PFKFB3: variants seen among roughly 807,000 people sequenced by gnomAD.
PFKFB3 encodes the protein 6-phosphofructo-2-kinase/fructose-2,6-bisphosphatase 3.
PFKFB3 carries 33 observed loss-of-function variants against 68.0 expected under a neutral mutation model. The ratio of observed to expected loss-of-function variants is 0.49; its 90% CI spans 0.37 to 0.65. The LOEUF is 0.65. PFKFB3 is among the 30% of genes least tolerant of loss of function. The pLI, the probability that PFKFB3 is intolerant of heterozygous loss-of-function variation, is 0.00. For synonymous variants in PFKFB3, 315 were observed against 288.2 expected (o/e 1.09, Z -0.94); for missense variants, 586 against 712.2 (o/e 0.82, Z 2.02).
chr10:6,162,857 T>G (rs1471440396), intron 1 of PFKFB3, among the ~76,000 whole-genome samples: 1 of 152,184 alleles, frequency 6.6e-6, no homozygotes, highest in Non-Finnish European at 1.5e-5. Flanking sequence ...GTACTTTCAG[T>G]GGAGGATGGT....
rs980098589 is a variant in PFKFB3 at position 6,154,539 on chromosome 10, C to A, written c.16+9526C>A. Among the ~76,000 whole-genome samples, 1 of 152,270 alleles carries A rather than the reference C, an allele frequency of 6.6e-6. No homozygotes were observed. The highest frequency in any genetic ancestry group is 1.9e-4 in the East Asian group (1 of 5,168). ...CTGGGATCATAGGCGCGAGCCACCG[C>A]GCCTGGTGGGCTGAATTAACGTGAC... On this transcript the variant is annotated intron_variant, in intron 1 of 14. Coordinates refer to the PFKFB3 transcript ENST00000379789. This position sits in a 1 kb window ranked among gnomAD's most constrained non-coding sequence, Gnocchi z 4.6.
intron 1 of PFKFB3, among the ~76,000 whole-genome samples, chr10:6,165,304 C>T (rs1842098350): frequency 6.6e-6 from 1 of 152,240 alleles, no homozygotes; most frequent in Non-Finnish European, 1.5e-5. Context: ...CAATACAGCA[C>T]ATGTTTCTGT....
intron 14 of PFKFB3, 139 bp downstream of exon 14, chr10:6,226,504 CTG>C (rs1162048005): frequency 4.0e-6 from 3 of 742,116 alleles, no homozygotes; most frequent in South Asian, 1.8e-5. Flanking sequence ...TTGTAGGTGT[CTG>C]TGCACGTGTG....
At chr10:6,168,086 G>A (rs1842195019) in intron 1 of PFKFB3, among the ~76,000 whole-genome samples, 1 of 152,172 alleles carries the variant, frequency 6.6e-6, no homozygotes, top group Non-Finnish European at 1.5e-5. Flanking sequence ...ACCATTTAGG[G>A]ACAGGTTAAA....
chr10:6,271,271 A>G, the PFKFB3 span, among the ~76,000 whole-genome samples: 4 of 152,242 alleles, frequency 2.6e-5, no homozygotes, highest in Non-Finnish European at 5.9e-5. Flanking sequence ...TGCTAAGGTA[A>G]GGACGAGAAC....
intron 1 of PFKFB3, among the ~76,000 whole-genome samples, chr10:6,206,838 C>CTGGGCAGCCAGGCAGAG (rs1564619744): frequency 6.2e-5 from 1 of 16,098 alleles, no homozygotes; most frequent in Non-Finnish European, 1.4e-4. Flanking sequence ...ACTTCCCAGA[C>CTGGGCAGCCAGGCAGAG]GGGGTGGCGG....
At chr10:6,265,900 G>A in the PFKFB3 span, among the ~76,000 whole-genome samples, 3 of 147,566 alleles carry the variant, frequency 2.0e-5, no homozygotes, top group Non-Finnish European at 4.5e-5. Flanking sequence ...TTTTTTTTTT[G>A]TTTTTCTATT....
the PFKFB3 span, among the ~76,000 whole-genome samples, chr10:6,300,392 G>A: frequency 6.6e-6 from 1 of 152,178 alleles, no homozygotes; most frequent in Non-Finnish European, 1.5e-5. Context: ...AATAGGAATA[G>A]GTAGTAGATT....
chr10:6,202,872 G>T (rs1233311893), upstream of PFKFB3: 11 of 1,051,426 alleles, frequency 1.0e-5, no homozygotes, highest in Non-Finnish European at 1.3e-5. Context: ...CCCCGAGGCT[G>T]ACGTACGCGT....
chr10:6,246,999 C>G (rs111672542), intron 14 of PFKFB3, among the ~76,000 whole-genome samples: 10 of 152,228 alleles, frequency 6.6e-5, no homozygotes, highest in Non-Finnish European at 1.2e-4. Flanking sequence ...TGCCCAGACC[C>G]GGACATGCAA....
chr10:6,256,387 G>GA (rs1236041319), downstream of PFKFB3, among the ~76,000 whole-genome samples: 3 of 152,104 alleles, frequency 2.0e-5, no homozygotes, highest in African/African-American at 7.2e-5. Flanking sequence ...CATGGAAAAA[G>GA]AAAAAAGGAT....
In PFKFB3 at chr10:6,228,219, G is replaced by A. The variant is rs1845486199; in HGVS notation, c.1515+1854G>A. 1 of 1,612,610 alleles carries A rather than the reference G, an allele frequency of 6.2e-7. No individual in the cohort carries two copies. On this transcript the variant is annotated intron_variant, in intron 14 of 14. Transcript: ENST00000379775. This position sits in a 1 kb window ranked among gnomAD's most constrained non-coding sequence, Gnocchi z 4.5. ...AGCCTTTGCTAGGGCAAGCCTGTCT[G>A]TAAGTATCTCTCCGATCATCGCTGC...
the PFKFB3 span, among the ~76,000 whole-genome samples, chr10:6,320,913 A>G: frequency 0.042 from 6,379 of 152,186 alleles, 445 homozygotes; most frequent in African/African-American, 0.14. Flanking sequence ...CACCTTGCTG[A>G]AGGCCTCCAG....
At chr10:6,243,816 T>C (rs1213413768) in intron 14 of PFKFB3, among the ~76,000 whole-genome samples, 1 of 152,178 alleles carries the variant, frequency 6.6e-6, no homozygotes, top group East Asian at 1.9e-4. Context: ...CTTCAACTCC[T>C]GGGTTCAAGT....
At chr10:6,205,224 C>T (rs923416770) in intron 1 of PFKFB3, among the ~76,000 whole-genome samples, 6 of 152,114 alleles carry the variant, frequency 3.9e-5, no homozygotes, top group East Asian at 1.9e-4. Context: ...GCCTGGGTAT[C>T]GCACATCCTT....
chr10:6,213,609 G>C lies in PFKFB3; in HGVS notation c.77-14G>C, dbSNP rs1298044176. 2.5e-6 allele frequency: 4 copies of C among 1,609,124 alleles called. No individual in the cohort carries two copies. The South Asian group carries it at 3.3e-5, about 13-fold the overall frequency. On this transcript the variant is annotated splice_polypyrimidine_tract_variant and intron_variant, in intron 1 of 14. Transcript: ENST00000379775. ...ACTTGGTTGATGACACACCCTTCTT[G>C]CTTGTTTTTCCAGCCTGTGGGCCAA...
At chr10:6,255,196 C>T (rs1846478088), downstream of PFKFB3, among the ~76,000 whole-genome samples, 1 of 151,800 alleles carries the variant, frequency 6.6e-6, no homozygotes, top group South Asian at 2.1e-4. Flanking sequence ...CTGATCTCAG[C>T]TCACTGCAAC....
intron 1 of PFKFB3, among the ~76,000 whole-genome samples, chr10:6,182,364 C>T (rs1464446955): frequency 1.3e-5 from 2 of 152,188 alleles, no homozygotes; most frequent in Non-Finnish European, 1.5e-5. Context: ...CCCACTGCAG[C>T]AGCAGTGTCA....
the PFKFB3 span, chr10:6,277,626 C>T: frequency 7.7e-5 from 18 of 233,586 alleles, no homozygotes; most frequent in Middle Eastern, 1.8e-3. Flanking sequence ...TCCCTGCCCC[C>T]GCACCTCCCT....
Sources: gnomAD v4.1 joint callset for allele counts (sites outside exome capture counted in the v4.1 genomes callset) on GRCh38, gnomAD v4.1.1 for gene constraint, Gnocchi (gnomAD v3.1) non-coding constraint, MANE v1.5 for transcripts, NCBI Gene and HGNC (gene_info 2026-07-23, HGNC 2026-07-21) for gene names.